Variants in SNX18 observed in about 807,000 individuals in gnomAD.
SNX18 encodes sorting nexin 18.
In SNX18, 35 loss-of-function variants were observed where a neutral mutation model predicts 48.7. The ratio of observed to expected loss-of-function variants is 0.72; its 90% confidence interval spans 0.55 to 0.95. The LOEUF (loss-of-function observed/expected upper bound fraction) is 0.95. Among genes scored for constraint, SNX18 ranks in the 40% least tolerant of loss-of-function variants. SNX18 has a pLI of 0.00. For missense variants in SNX18, 824 were observed against 871.0 expected (o/e 0.95, Z 0.68); for synonymous variants, 492 against 384.7 (o/e 1.28, Z -3.26).
chr5:54,549,142 A>G (rs557502108), downstream of SNX18, among the ~76,000 whole-genome samples: 230 of 152,308 alleles, frequency 1.5e-3, 2 homozygotes, highest in African/African-American at 5.2e-3. Flanking sequence ...CAACTATAGA[A>G]TCCCCTTTGT....
rs765919643 is a variant in SNX18, at chr5:54,518,563, G to GC, written c.611_612insC (p.Ser205PhefsTer147). 2.4e-5 allele frequency: 38 copies of GC among 1,587,244 alleles called. No individual in the cohort carries two copies. In the South Asian group the frequency reaches 4.4e-4, roughly 18 times the overall value. ...TCCACGCGCTCCGACCTGTCCCTGG[G>GC]TTCCCGCGGCGGCTCGGTCCCCCCG... is the stretch of plus-strand genomic sequence containing the variant. On this transcript the variant is annotated frameshift_variant, in exon 1 of 2. Transcript: ENST00000381410. LOFTEE classifies it high-confidence loss of function.
At position 54,545,182 on chromosome 5, in the gene SNX18, A is replaced by G. The variant is rs753057962; in HGVS notation, c.*1750A>G. On this transcript the variant is annotated 3_prime_UTR_variant, in exon 2 of 2. Transcript: ENST00000381410. The stretch of plus-strand genomic sequence containing the variant: ...AACATTATGTGGCTTTGTCTTTACT[A>G]CAGATATGTGGAACTGTAACCAAAT... The G allele has an allele frequency of 7.2e-5, 11 of 152,198 alleles. No individual in the cohort carries two copies. Among genetic ancestry groups the G allele is most frequent in the Admixed American group, 3.3e-4 (5 of 15,276 alleles). 9.4% of individuals were successfully genotyped at this position (152,198 alleles called of 1,614,324 possible).
the SNX18 span, among the ~76,000 whole-genome samples, chr5:54,578,811 T>G: frequency 6.6e-6 from 1 of 152,334 alleles, no homozygotes; most frequent in South Asian, 2.1e-4. Flanking sequence ...TTTCTATCTC[T>G]TACAACCACT....
At chr5:54,568,714 A>G in the SNX18 span, among the ~76,000 whole-genome samples, 25 of 152,288 alleles carry the variant, frequency 1.6e-4, no homozygotes, top group African/African-American at 6.0e-4. Flanking sequence ...ATGAGCTTTA[A>G]TTGAAGAATC....
the SNX18 span, among the ~76,000 whole-genome samples, chr5:54,574,909 C>A: frequency 6.6e-6 from 1 of 152,134 alleles, no homozygotes; most frequent in Admixed American, 6.5e-5. Flanking sequence ...CTAAGATGAC[C>A]AAGAATTACC....
chr5:54,519,887 C>A, intron 1 of SNX18: 1 of 1,478,828 alleles, frequency 6.8e-7, no homozygotes, highest in Admixed American at 2.0e-5. Context: ...AATCTTGAGA[C>A]GAGGGTAGAA....
the SNX18 span, among the ~76,000 whole-genome samples, chr5:54,583,000 T>C: frequency 6.6e-6 from 1 of 152,204 alleles, no homozygotes; most frequent in Admixed American, 6.5e-5. Flanking sequence ...ACCTCTTCTC[T>C]GGGCTACTGT....
At chr5:54,549,381 T>G (rs1367349145), downstream of SNX18, among the ~76,000 whole-genome samples, 1 of 152,210 alleles carries the variant, frequency 6.6e-6, no homozygotes, top group Non-Finnish European at 1.5e-5. Flanking sequence ...TTCTGCCCAC[T>G]TTGCCCACCT....
chr5:54,539,469 A>G (rs1408725214), intron 1 of SNX18, among the ~76,000 whole-genome samples: 2 of 152,196 alleles, frequency 1.3e-5, no homozygotes, highest in Non-Finnish European at 2.9e-5. Flanking sequence ...CCACCCTGCC[A>G]CCATCCATAG....
rs1288063803 is a variant in SNX18 at position 54,545,404 on chromosome 5, G to A, written c.*1972G>A. Reference sequence around the variant, plus strand: ...TTATTTGCCTCTTTATTTTGATGGTGGTTGGATTTTTTTTTTTTTAATAGT... The same window carrying A: ...TTATTTGCCTCTTTATTTTGATGGTAGTTGGATTTTTTTTTTTTTAATAGT... On this transcript the variant is annotated 3_prime_UTR_variant, in exon 2 of 2. Transcript: ENST00000381410. The A allele has an allele frequency of 2.2e-5, 2 of 89,228 alleles. No homozygotes were observed. The highest frequency in any genetic ancestry group is 4.9e-5 in the Non-Finnish European group (2 of 40,620). 5.5% of individuals were successfully genotyped at this position (89,228 alleles called of 1,614,324 possible).
chr5:54,618,924 C>T, the SNX18 span, among the ~76,000 whole-genome samples: 64 of 151,604 alleles, frequency 4.2e-4, no homozygotes, highest in African/African-American at 1.5e-3. Context: ...ATAATAAATT[C>T]GAGTTTAATA....
chr5:54,617,096 G>T, the SNX18 span, among the ~76,000 whole-genome samples: 2 of 152,148 alleles, frequency 1.3e-5, no homozygotes, highest in Admixed American at 1.3e-4. Flanking sequence ...AAACAACTTC[G>T]TCAAAGGCCC....
chr5:54,580,541 A>G, the SNX18 span, among the ~76,000 whole-genome samples: 9 of 152,176 alleles, frequency 5.9e-5, no homozygotes, highest in African/African-American at 2.2e-4. Flanking sequence ...ATTTAGCTAA[A>G]GACTGGGAAT....
the SNX18 span, among the ~76,000 whole-genome samples, chr5:54,569,919 G>T: frequency 6.6e-6 from 1 of 152,142 alleles, no homozygotes; most frequent in South Asian, 2.1e-4. Flanking sequence ...ACTTTCAACT[G>T]TGTTTTAAAA....
the SNX18 span, among the ~76,000 whole-genome samples, chr5:54,647,881 G>A: frequency 4.6e-5 from 7 of 152,088 alleles, no homozygotes; most frequent in East Asian, 5.8e-4. Context: ...GAGACTGACC[G>A]GATTCTGGAA....
Position 54,518,620 on chromosome 5 carries a change from C to T in SNX18, c.668C>T (p.Ala223Val), listed in dbSNP as rs1488778817. 1.9e-6 allele frequency: 3 copies of T among 1,560,154 alleles called. No homozygotes were observed. In the Admixed American group the frequency reaches 5.8e-5, roughly 30 times the overall value. Residue 223 changes from alanine (A) to valine (V), a missense_variant, in exon 1 of 2, where the codon GCC becomes GTC. Coordinates refer to ENST00000381410, the MANE Select transcript of SNX18 (RefSeq NM_001102575.2). ...QHHPSGPKSS[A>V]TVSRNLNRFS... ...CACCCGTCGGGGCCCAAGAGCTCGG[C>T]CACCGTGAGCCGCAACCTCAATCGC...
At chr5:54,646,199 T>C in the SNX18 span, among the ~76,000 whole-genome samples, 2 of 152,216 alleles carry the variant, frequency 1.3e-5, no homozygotes, top group Non-Finnish European at 2.9e-5. Flanking sequence ...ACCTGAGGTG[T>C]TGGAAATGGA....
At chr5:54,528,699 A>G (rs1580099260) in intron 1 of SNX18, among the ~76,000 whole-genome samples, 1 of 152,232 alleles carries the variant, frequency 6.6e-6, no homozygotes, top group East Asian at 1.9e-4. Flanking sequence ...CATGATGTGA[A>G]GTAGGACAGA....
the SNX18 span, among the ~76,000 whole-genome samples, chr5:54,599,790 A>G: frequency 2.0e-5 from 3 of 152,238 alleles, no homozygotes; most frequent in Non-Finnish European, 2.9e-5. Flanking sequence ...CATTTGCAGA[A>G]AATTGAAACT....
Sources: gnomAD v4.1 joint callset for allele counts (sites outside exome capture counted in the v4.1 genomes callset) on GRCh38, gnomAD v4.1.1 for gene constraint, MANE v1.5 for transcripts, NCBI Gene and HGNC (gene_info 2026-07-23, HGNC 2026-07-21) for gene names.